Variants in NAV3 observed in about 807,000 individuals in gnomAD.
The protein encoded by NAV3 is neuron navigator 3.
NAV3 carries 87 observed loss-of-function variants against 244.7 expected under a neutral mutation model. The observed-to-expected ratio is 0.36, with a 90% CI of 0.30 to 0.42. The LOEUF (loss-of-function observed/expected upper bound fraction) is 0.42, where lower values mean the gene tolerates loss of function less well. Ranked by LOEUF, NAV3 falls within the 20% of genes least tolerant of loss-of-function variation. NAV3 has a pLI of 1.00. For synonymous variants in NAV3, 1,126 were observed against 1,042.2 expected, an observed-to-expected ratio of 1.08 and a Z score of -1.55; for missense variants, 2,663 against 2,893.3, an observed-to-expected ratio of 0.92 and a Z score of 1.83.
intron 1 of NAV3, among the ~76,000 whole-genome samples, chr12:77,873,742 G>GTATATA (rs1294527901): frequency 3.3e-3 from 189 of 57,950 alleles, no homozygotes; most frequent in African/African-American, 7.1e-3. Context: ...ATATGTGTGT[G>GTATATA]TGTATATATA....
intron 2 of NAV3, among the ~76,000 whole-genome samples, chr12:77,767,855 G>T (rs1386728014): frequency 1.3e-5 from 2 of 152,218 alleles, no homozygotes; most frequent in African/African-American, 2.4e-5. Flanking sequence ...AGCAAAGGAG[G>T]TGTGTGACAG....
At chr12:77,717,510 A>T (rs984954147) in intron 2 of NAV3, among the ~76,000 whole-genome samples, 1 of 151,992 alleles carries the variant, frequency 6.6e-6, no homozygotes, top group Non-Finnish European at 1.5e-5. Context: ...CATTTTCTTT[A>T]TCCACTCATT....
At chr12:77,576,150 C>T (rs1735668262) in intron 2 of NAV3, among the ~76,000 whole-genome samples, 1 of 152,008 alleles carries the variant, frequency 6.6e-6, no homozygotes, top group African/African-American at 2.4e-5. Context: ...CTTCAGATTA[C>T]TTCAGAAGTG....
chr12:77,743,787 G>A (rs1320033316), intron 2 of NAV3, among the ~76,000 whole-genome samples: 1 of 151,684 alleles, frequency 6.6e-6, no homozygotes. Context: ...AGAATAGGAT[G>A]CAATAAAAGT....
chr12:77,909,612 T>C (rs772057930), intron 1 of NAV3, among the ~76,000 whole-genome samples: 11 of 152,074 alleles, frequency 7.2e-5, no homozygotes, highest in Non-Finnish European at 1.6e-4. Flanking sequence ...TAAAATAAGC[T>C]ACTGGATGAA....
chr12:78,011,672 G>A (rs1875298652), intron 8 of NAV3, among the ~76,000 whole-genome samples: 1 of 152,100 alleles, frequency 6.6e-6, no homozygotes, highest in African/African-American at 2.4e-5. Flanking sequence ...CTAGTAACTG[G>A]AACTGCTATA....
chr12:78,087,516 C>T (rs12823750), intron 12 of NAV3, among the ~76,000 whole-genome samples: 2,763 of 151,922 alleles, frequency 0.018, 39 homozygotes, highest in Middle Eastern at 0.031. Flanking sequence ...GAGATGAGGT[C>T]GTAACCTGAG....
intron 31 of NAV3, 69 bp from the exon 32 acceptor site, chr12:78,188,179 A>G (rs1958811011): frequency 1.7e-6 from 2 of 1,163,058 alleles, no homozygotes; most frequent in South Asian, 1.3e-5. Context: ...AACTAATTTT[A>G]GTAGAAAATG....
chr12:78,145,375 G>A (rs1352541659), intron 20 of NAV3, among the ~76,000 whole-genome samples: 2 of 152,056 alleles, frequency 1.3e-5, no homozygotes, highest in African/African-American at 4.8e-5. Flanking sequence ...TTTGCTTTAT[G>A]TTTTCTGAAA....
chr12:78,181,005 T>C lies in NAV3; in HGVS notation c.5652T>C (p.Leu1884=). 6.2e-7 allele frequency: 1 copy of C among 1,613,164 alleles called. No individual in the cohort carries two copies. The highest frequency in any genetic ancestry group is 8.5e-7 in the Non-Finnish European group (1 of 1,179,392). Reference sequence around the variant, plus strand: ...CATCTTCCAGGCAGTCATTAGGACTTTCTCTAAACAATTTGAACATCACAG... The same window carrying C: ...CATCTTCCAGGCAGTCATTAGGACTCTCTCTAAACAATTTGAACATCACAG... The part of the protein sequence containing the change: ...SSSSSRQSLG[L]SLNNLNITEA... The change falls in exon 30 of 40, where the codon CTT becomes CTC. Residue 1884 remains leucine (L), a synonymous_variant. Coordinates refer to ENST00000397909, the MANE Select transcript of NAV3 (RefSeq NM_001024383.2).
At chr12:77,901,184 T>C (rs1277730250) in intron 1 of NAV3, among the ~76,000 whole-genome samples, 1 of 152,238 alleles carries the variant, frequency 6.6e-6, no homozygotes, top group Non-Finnish European at 1.5e-5. Context: ...GCGTATTTAC[T>C]CTATTGATAG....
At chr12:77,761,774 A>C (rs1869477343) in intron 2 of NAV3, among the ~76,000 whole-genome samples, 1 of 152,182 alleles carries the variant, frequency 6.6e-6, no homozygotes, top group Non-Finnish European at 1.5e-5. Flanking sequence ...AAGTCAGAAA[A>C]CAACAGATGC....
intron 8 of NAV3, among the ~76,000 whole-genome samples, chr12:78,016,471 T>C (rs1384050853): frequency 6.6e-6 from 1 of 152,156 alleles, no homozygotes; most frequent in Non-Finnish European, 1.5e-5. Context: ...TCTTATTTAC[T>C]CAACTCCCCT....
chr12:78,092,520 G>A (rs1004194678), intron 12 of NAV3, among the ~76,000 whole-genome samples: 2 of 73,276 alleles, frequency 2.7e-5, no homozygotes, highest in African/African-American at 9.7e-5. Flanking sequence ...TTTTTTTTGA[G>A]ATGGAGTCTC....
intron 18 of NAV3, among the ~76,000 whole-genome samples, chr12:78,131,259 AAAACAATT>A (rs1956153761): frequency 6.6e-6 from 1 of 152,196 alleles, no homozygotes; most frequent in Non-Finnish European, 1.5e-5. Flanking sequence ...TTAGCAATTG[AAAACAATT>A]ATTTTGGTCA....
At chr12:77,985,931 T>C (rs1385256328) in intron 5 of NAV3, among the ~76,000 whole-genome samples, 1 of 152,222 alleles carries the variant, frequency 6.6e-6, no homozygotes, top group Non-Finnish European at 1.5e-5. Context: ...AAGATCTATC[T>C]AATCTGAGAA....
At chr12:78,051,949 A>G (rs17821307) in intron 11 of NAV3, among the ~76,000 whole-genome samples, 2,554 of 152,294 alleles carry the variant, frequency 0.017, 24 homozygotes, top group Non-Finnish European at 0.028. Context: ...GGATAAGGAA[A>G]CTGAGTCTAA....
At chr12:77,755,589 C>T (rs1175235393) in intron 2 of NAV3, among the ~76,000 whole-genome samples, 114 of 20,766 alleles carry the variant, frequency 5.5e-3, no homozygotes, top group Middle Eastern at 0.031. Context: ...TTTCCTCCCT[C>T]CCTCCCTCCC....
chr12:77,902,703 G>T (rs1338160714), intron 1 of NAV3, among the ~76,000 whole-genome samples: 2 of 152,246 alleles, frequency 1.3e-5, no homozygotes, highest in African/African-American at 4.8e-5. Context: ...AAGTCAAATT[G>T]TCCCTGTTTG....
Sources: allele counts gnomAD v4.1 joint callset (sites outside exome capture counted in the v4.1 genomes callset), GRCh38; gene constraint gnomAD v4.1.1; transcripts MANE v1.5; gene names NCBI Gene and HGNC (gene_info 2026-07-23, HGNC 2026-07-21).